Variants in MYOC observed in about 807,000 individuals in gnomAD.
MYOC encodes the protein juvenile-onset open-angle glaucoma 1.
MYOC carries 29 observed loss-of-function variants against 28.2 expected under a neutral mutation model. The observed-to-expected ratio is 1.03, with a 90% confidence interval of 0.77 to 1.40. The LOEUF is 1.40. MYOC is among the 40% of genes most tolerant of loss of function. MYOC has a pLI of 0.00. For synonymous variants in MYOC, 240 were observed against 245.6 expected, an observed-to-expected ratio of 0.98 and a Z score of 0.21; for missense variants, 569 against 620.6, an observed-to-expected ratio of 0.92 and a Z score of 0.88.
At chr1:171,643,018 T>C (rs1653114993) in intron 1 of MYOC, among the ~76,000 whole-genome samples, 1 of 152,160 alleles carries the variant, frequency 6.6e-6, no homozygotes, top group African/African-American at 2.4e-5. Context: ...TTGGACAATC[T>C]GAATGGCTCC....
chr1:171,652,639 G>T lies in MYOC; in HGVS notation c.-28C>A. 6.2e-7 allele frequency: 1 copy of T among 1,613,284 alleles called. No homozygotes were observed. Among genetic ancestry groups the T allele is most frequent in the South Asian group, 1.1e-5 (1 of 90,972 alleles). ...CAGAGGCTTGGTGAGGCTTCCTCTG[G>T]AAAGCTCTGCTGTGCTGAGAGGTGC... On this transcript the variant is annotated 5_prime_UTR_variant, in exon 1 of 3. Transcript: ENST00000037502.
intron 1 of MYOC, among the ~76,000 whole-genome samples, chr1:171,645,505 G>A (rs1191941263): frequency 2.0e-5 from 3 of 152,126 alleles, no homozygotes; most frequent in African/African-American, 4.8e-5. Flanking sequence ...AAGCTTGTCC[G>A]GCACCCTCCC....
At chr1:171,643,450 C>G (rs1653124956) in intron 1 of MYOC, 1 of 152,446 alleles carries the variant, frequency 6.6e-6, no homozygotes, top group Admixed American at 6.5e-5. Context: ...GAACACACAC[C>G]CAGGCTGTTA....
rs1304504903 is a variant in MYOC, at chr1:171,635,492, G to T, written c.*433C>A. 1 of 313,396 alleles carries T rather than the reference G, an allele frequency of 3.2e-6. No individual in the cohort carries two copies. Among genetic ancestry groups the T allele is most frequent in the Non-Finnish European group, 6.0e-6 (1 of 167,014 alleles). 19.4% of individuals were successfully genotyped at this position (313,396 alleles called of 1,614,324 possible). On this transcript the variant is annotated 3_prime_UTR_variant, in exon 3 of 3. Transcript: ENST00000037502. ...CTGTATTCTATCTGAAGCATTAGAA[G>T]CCAACTGTAGTAAATGCATCTTACT...
chr1:171,647,515 T>G lies in MYOC; in HGVS notation c.604+4493A>C, dbSNP rs1276149593. Among the ~76,000 whole-genome samples, 8 of 151,212 alleles carry G rather than the reference T, an allele frequency of 5.3e-5. No homozygotes were observed. In the East Asian group the frequency reaches 1.6e-3, roughly 29 times the overall value. On this transcript the variant is annotated intron_variant, in intron 1 of 2. Transcript: ENST00000037502. ...CTCCAGCCTGGTGATAGAGCGAGAC[T>G]CCATCTTCAAAAAACAAAACAAAAC...
intron 1 of MYOC, among the ~76,000 whole-genome samples, chr1:171,644,767 G>A (rs1490842712): frequency 1.3e-5 from 2 of 152,166 alleles, no homozygotes; most frequent in Non-Finnish European, 2.9e-5. Context: ...CTTATTAAGT[G>A]TCTCTTATGA....
rs61730976 is a variant in MYOC at position 171,636,465 on chromosome 1, C to T, written c.975G>A (p.Thr325=). The T allele has an allele frequency of 4.9e-3, 7,906 of 1,614,036 alleles. 306 individuals are homozygous for T. The African/African-American group carries it at 0.086, about 17-fold the overall frequency. ...GGCTCCCCGAGTACACCACAGCACC[C>T]GTGCTTTCCAGTGGCCTAGGCAGTA... The part of the protein sequence containing the change: ...VHILPRPLES[T]GAVVYSGSLY... Residue 325 remains threonine (T), a synonymous_variant, in exon 3 of 3, where the codon ACG becomes ACA. Transcript: ENST00000037502.
intron 1 of MYOC, among the ~76,000 whole-genome samples, chr1:171,643,609 C>A (rs1320177951): frequency 6.6e-6 from 1 of 152,194 alleles, no homozygotes; most frequent in East Asian, 1.9e-4. Flanking sequence ...ATCTGTACCT[C>A]TTCTTGGATC....
chr1:171,644,775 T>C (rs146547956), intron 1 of MYOC, among the ~76,000 whole-genome samples: 73 of 152,330 alleles, frequency 4.8e-4, no homozygotes, highest in African/African-American at 1.7e-3. Context: ...GTGTCTCTTA[T>C]GAGCCAGTAC....
chr1:171,650,054 G>C (rs1653315866), intron 1 of MYOC, among the ~76,000 whole-genome samples: 1 of 151,964 alleles, frequency 6.6e-6, no homozygotes, highest in Non-Finnish European at 1.5e-5. Context: ...CAATATAATG[G>C]GATGTTGCCC....
chr1:171,652,140 G>A lies in MYOC; in HGVS notation c.472C>T (p.Arg158Ter), dbSNP rs748152582. The A allele has an allele frequency of 4.0e-5, 65 of 1,613,916 alleles. 2 individuals carry two copies. In the South Asian group the frequency reaches 4.8e-4, roughly 12 times the overall value. ...DKSVLEEEKK[R>*]LRQENENLAR... ...AGATTCTCATTTTCTTGCCTTAGTC[G>A]CTTCTTCTCTTCCTCCAGAACTGAC... The change falls in exon 1 of 3, where the codon CGA becomes TGA. Residue 158 changes from arginine (R) to a stop codon, truncating the protein, a stop_gained. Transcript: ENST00000037502. LOFTEE classifies it high-confidence loss of function.
chr1:171,642,962 G>A (rs950162273), intron 1 of MYOC, among the ~76,000 whole-genome samples: 2 of 150,776 alleles, frequency 1.3e-5, no homozygotes, highest in African/African-American at 2.4e-5. Context: ...CCTCATACCC[G>A]AGAAGGAAAA....
At chr1:171,648,973 C>T (rs1047550639) in intron 1 of MYOC, among the ~76,000 whole-genome samples, 6 of 151,212 alleles carry the variant, frequency 4.0e-5, no homozygotes, top group African/African-American at 1.5e-4. Context: ...AGGTGTGAGC[C>T]ACCACACTTG....
intron 1 of MYOC, 72 bp downstream of exon 1, chr1:171,651,936 G>T (rs1653362002): frequency 1.2e-6 from 2 of 1,607,556 alleles, no homozygotes; most frequent in Non-Finnish European, 8.5e-7. Flanking sequence ...GGGAGGCCTG[G>T]AGCGCCTGTA....
intron 1 of MYOC, among the ~76,000 whole-genome samples, chr1:171,640,275 G>A (rs59256724): frequency 5.3e-5 from 8 of 151,956 alleles, no homozygotes; most frequent in African/African-American, 1.9e-4. Context: ...AGTTTGGGGT[G>A]GGGGTGGTGA....
chr1:171,652,452 C>T lies in MYOC; in HGVS notation c.160G>A (p.Ala54Thr). ...GGGCAGCTGGATTCATTGGGACTGG[C>T]CACACTGAAGGTATACTGGCATCGG... ...SGRCQYTFSV[A>T]SPNESSCPEQ... Residue 54 changes from alanine (A) to threonine (T), a missense_variant, in exon 1 of 3, where the codon GCC (alanine) becomes ACC (threonine). Coordinates refer to ENST00000037502, the MANE Select transcript of MYOC (RefSeq NM_000261.2). The T allele has an allele frequency of 6.2e-7, 1 of 1,614,216 alleles. No homozygotes were observed.
At chr1:171,645,200 C>T (rs1653171508) in intron 1 of MYOC, among the ~76,000 whole-genome samples, 1 of 152,148 alleles carries the variant, frequency 6.6e-6, no homozygotes, top group Admixed American at 6.6e-5. Flanking sequence ...GGAGTCCTAC[C>T]CCAGCCACGG....
chr1:171,640,785 G>T (rs1224097051), intron 1 of MYOC, among the ~76,000 whole-genome samples: 1 of 152,138 alleles, frequency 6.6e-6, no homozygotes, highest in African/African-American at 2.4e-5. Context: ...CAAATAAAAT[G>T]CAGGTTTGAT....
chr1:171,641,840 C>T (rs890013791), intron 1 of MYOC, among the ~76,000 whole-genome samples: 3 of 152,162 alleles, frequency 2.0e-5, no homozygotes, highest in Non-Finnish European at 2.9e-5. Context: ...CCGAGAGGGT[C>T]GGGAAGACAT....
Sources: gnomAD v4.1 joint callset for allele counts (sites outside exome capture counted in the v4.1 genomes callset) on GRCh38, gnomAD v4.1.1 for gene constraint, MANE v1.5 for transcripts, NCBI Gene and HGNC (gene_info 2026-07-23, HGNC 2026-07-21) for gene names.